Variants in PAFAH2 observed in about 807,000 individuals in gnomAD.
PAFAH2 encodes platelet-activating factor acetylhydrolase 2, cytoplasmic.
PAFAH2 carries 42 observed loss-of-function variants against 49.0 expected under a neutral mutation model. The observed-to-expected ratio is 0.86, with a 90% CI of 0.67 to 1.11. The LOEUF is 1.11. Ranked by LOEUF, PAFAH2 falls within the 50% of genes least tolerant of loss-of-function variation. The pLI, the probability that PAFAH2 is intolerant of heterozygous loss-of-function variation, is 0.00. For synonymous variants in PAFAH2, 184 were observed against 181.3 expected, an observed-to-expected ratio of 1.01 and a Z score of -0.12; for missense variants, 503 against 501.8, an observed-to-expected ratio of 1.00 and a Z score of -0.02.
intron 3 of PAFAH2, 97 bp from the exon 4 acceptor site, chr1:25,988,424 CCCTCT>C: frequency 3.6e-6 from 3 of 839,658 alleles, no homozygotes; most frequent in African/African-American, 1.7e-5. Context: ...TGTGTTTCTC[CCCTCT>C]GGAGAACCAC....
intron 5 of PAFAH2, 122 bp from the exon 6 acceptor site, chr1:25,984,209 G>T: frequency 8.6e-7 from 1 of 1,162,968 alleles, no homozygotes; most frequent in Non-Finnish European, 1.3e-6. Flanking sequence ...TAGGGAAGGA[G>T]ATCTGGGGCA....
At chr1:25,975,894 C>T (rs558413508) in intron 8 of PAFAH2, among the ~76,000 whole-genome samples, 13 of 152,164 alleles carry the variant, frequency 8.5e-5, no homozygotes, top group South Asian at 4.2e-4. Context: ...ATAAAATATA[C>T]ACCTCCTTAC....
At chr1:25,986,931 A>G (rs978133174) in intron 4 of PAFAH2, among the ~76,000 whole-genome samples, 9 of 152,120 alleles carry the variant, frequency 5.9e-5, no homozygotes, top group African/African-American at 2.2e-4. Context: ...TGGAATGACA[A>G]GATCATATTT....
At chr1:25,996,438 G>C (rs1021410864) in intron 1 of PAFAH2, among the ~76,000 whole-genome samples, 4 of 152,086 alleles carry the variant, frequency 2.6e-5, no homozygotes, top group African/African-American at 9.7e-5. Flanking sequence ...AGGAGATCGA[G>C]ACCATCCTGG....
chr1:25,984,395 G>A, intron 5 of PAFAH2, 65 bp downstream of exon 5: 3 of 1,184,466 alleles, frequency 2.5e-6, no homozygotes, highest in South Asian at 2.5e-5. Context: ...ATAGTACATT[G>A]ATAGGGGACT....
intron 10 of PAFAH2, among the ~76,000 whole-genome samples, chr1:25,971,202 T>C (rs559514666): frequency 6.6e-6 from 1 of 152,288 alleles, no homozygotes; most frequent in South Asian, 2.1e-4. Context: ...GCCTGGCTCC[T>C]TTCTCATGGA....
At chr1:25,965,345 C>T (rs559963456) in intron 10 of PAFAH2, among the ~76,000 whole-genome samples, 124 of 152,204 alleles carry the variant, frequency 8.1e-4, no homozygotes, top group African/African-American at 2.9e-3. Flanking sequence ...TTGGCTCACG[C>T]AAAGAATTCG....
intron 6 of PAFAH2, among the ~76,000 whole-genome samples, chr1:25,983,294 G>A (rs1285682655): frequency 6.6e-6 from 1 of 152,046 alleles, no homozygotes; most frequent in African/African-American, 2.4e-5. Context: ...TGAGGTAGGA[G>A]GGTCACTCGA....
intron 7 of PAFAH2, among the ~76,000 whole-genome samples, chr1:25,977,372 C>T (rs903902101): frequency 2.1e-5 from 3 of 142,620 alleles, no homozygotes; most frequent in Non-Finnish European, 4.6e-5. Flanking sequence ...ATGAATAGGC[C>T]GGGTGTGGTG....
chr1:25,984,845 C>CTT (rs34522205), intron 4 of PAFAH2, among the ~76,000 whole-genome samples: 2,453 of 104,248 alleles, frequency 0.024, 102 homozygotes, highest in East Asian at 0.045. Context: ...AGAGAGATTT[C>CTT]TTTTTTTTTT....
At chr1:25,971,925 GC>G (rs1272562516) in intron 10 of PAFAH2, among the ~76,000 whole-genome samples, 2 of 152,082 alleles carry the variant, frequency 1.3e-5, no homozygotes, top group Admixed American at 6.6e-5. Context: ...GATAAGGTGG[GC>G]AATAATGAGT....
intron 7 of PAFAH2, among the ~76,000 whole-genome samples, chr1:25,980,265 A>G (rs1398185216): frequency 1.3e-5 from 2 of 152,134 alleles, no homozygotes; most frequent in African/African-American, 2.4e-5. Flanking sequence ...TGCTTACTGC[A>G]TAAGTTTGTG....
chr1:25,982,477 C>G lies in PAFAH2; in HGVS notation c.553G>C (p.Val185Leu). ...EKEFHVRNPQ[V>L]HQRVSECLRV... ...AAACACTCGCTTACCCGCTGATGCA[C>G]CTGCAACAGAGACAGTCCCAGTGGG... Residue 185 changes from valine to leucine, a missense_variant and splice_region_variant, in exon 7 of 11, where the codon GTG (valine) becomes CTG (leucine). Physicochemically the swap from Val to Leu is conservative, Grantham distance 32. Coordinates refer to ENST00000374282, the MANE Select transcript of PAFAH2 (RefSeq NM_000437.4). The G allele has an allele frequency of 6.2e-7, 1 of 1,608,462 alleles. No individual in the cohort carries two copies. The highest frequency in any genetic ancestry group is 8.5e-7 in the Non-Finnish European group (1 of 1,174,914).
intron 7 of PAFAH2, 115 bp downstream of exon 7, chr1:25,982,249 G>T: frequency 1.3e-6 from 1 of 747,414 alleles, no homozygotes; most frequent in South Asian, 1.6e-5. Flanking sequence ...CTTCTTGATA[G>T]TTATATGAGC....
intron 1 of PAFAH2, among the ~76,000 whole-genome samples, chr1:25,994,259 G>A (rs188964295): frequency 9.7e-4 from 147 of 151,598 alleles, no homozygotes; most frequent in Non-Finnish European, 1.8e-4. Context: ...CCTCCTGGGT[G>A]GCTGGGACTA....
intron 10 of PAFAH2, among the ~76,000 whole-genome samples, chr1:25,962,752 G>C (rs1255790780): frequency 6.6e-6 from 1 of 151,658 alleles, no homozygotes; most frequent in African/African-American, 2.4e-5. Flanking sequence ...TTGAGGCAAG[G>C]AGTTGGCGGC....
chr1:25,990,130 A>G (rs2049851424), intron 2 of PAFAH2, among the ~76,000 whole-genome samples: 1 of 152,186 alleles, frequency 6.6e-6, no homozygotes, highest in African/African-American at 2.4e-5. Flanking sequence ...AGCCAGGCAC[A>G]GTGGCTCATG....
Position 25,982,394 on chromosome 1 carries a change from C to G in PAFAH2, c.636G>C (p.Leu212Phe), listed in dbSNP as rs757293202. ...AAGTCATCAGATCCAAGCCACCAGG[C>G]AAGATGTTGAAGACAGTCTGCCCAG... ...VTAGQTVFNI[L>F]PGGLDLMTLK... The change falls in exon 7 of 11, where the codon TTG (leucine) becomes TTC (phenylalanine). Residue 212 changes from leucine to phenylalanine, a missense_variant. Leu to Phe is a conservative substitution (Grantham distance 22). Transcript: ENST00000374282. 1 of 1,614,082 alleles carries G rather than the reference C, an allele frequency of 6.2e-7. No homozygotes were observed. The highest frequency in any genetic ancestry group is 1.1e-5 in the South Asian group (1 of 91,076).
intron 3 of PAFAH2, among the ~76,000 whole-genome samples, chr1:25,988,692 A>G (rs899868340): frequency 6.6e-6 from 1 of 150,672 alleles, no homozygotes; most frequent in Admixed American, 6.7e-5. Flanking sequence ...AATCCCAGCT[A>G]CTCAGGAGGC....
Sources: gnomAD v4.1 joint callset for allele counts (sites outside exome capture counted in the v4.1 genomes callset) on GRCh38, gnomAD v4.1.1 for gene constraint, MANE v1.5 for transcripts, NCBI Gene and HGNC (gene_info 2026-07-23, HGNC 2026-07-21) for gene names.